The following GRIN2A variants were observed in gnomAD, a reference collection of about 807,000 sequenced individuals.
The protein encoded by GRIN2A is glutamate receptor ionotropic, NMDA 2A.
Under a neutral mutation model 113.4 loss-of-function variants are expected in GRIN2A, and 22 were observed. The observed-to-expected ratio is 0.19, with a 90% confidence interval of 0.14 to 0.28. The LOEUF (loss-of-function observed/expected upper bound fraction) is 0.28. Ranked by LOEUF, GRIN2A falls within the 10% of genes least tolerant of loss-of-function variation. The probability of loss-of-function intolerance (pLI) is 1.00; values close to 1 mark genes in which losing one functional copy is unlikely to be tolerated. For missense variants in GRIN2A, 1,502 were observed against 1,887.0 expected (o/e 0.80, Z 3.78); for synonymous variants, 827 against 738.4 (o/e 1.12, Z -1.94).
chr16:9,935,512 T>TCACACACACACACA (rs71157793), intron 3 of GRIN2A, among the ~76,000 whole-genome samples: 102 of 132,900 alleles, frequency 7.7e-4, no homozygotes, highest in Middle Eastern at 3.8e-3. Flanking sequence ...GTCTACTTCA[T>TCACACACACACACA]CACACACACA....
At chr16:10,036,640 G>T (rs939806595) in intron 2 of GRIN2A, among the ~76,000 whole-genome samples, 1 of 150,912 alleles carries the variant, frequency 6.6e-6, no homozygotes, top group Non-Finnish European at 1.5e-5. Context: ...TAGAGATGGC[G>T]TTTCACTGTG....
chr16:10,136,863 A>G (rs1283244815), intron 2 of GRIN2A, among the ~76,000 whole-genome samples: 1 of 152,230 alleles, frequency 6.6e-6, no homozygotes, highest in Non-Finnish European at 1.5e-5. Context: ...CAGTGGTTTG[A>G]GAAATGATCC....
intron 9 of GRIN2A, among the ~76,000 whole-genome samples, chr16:9,828,873 C>T (rs1022481096): frequency 3.3e-5 from 5 of 152,158 alleles, no homozygotes; most frequent in African/African-American, 1.2e-4. Context: ...ACTCTCTGCT[C>T]CTTTTGTGTG....
chr16:9,823,717 A>G (rs1368087714), intron 9 of GRIN2A, among the ~76,000 whole-genome samples: 2 of 152,122 alleles, frequency 1.3e-5, no homozygotes, highest in Non-Finnish European at 2.9e-5. Context: ...AGATAAGAAA[A>G]CTGAGGCTCA....
chr16:10,022,542 A>C (rs909546452), intron 2 of GRIN2A, among the ~76,000 whole-genome samples: 1 of 152,174 alleles, frequency 6.6e-6, no homozygotes. Flanking sequence ...CATAAACAAA[A>C]ATAAAACATA....
At chr16:10,061,420 C>T (rs1462452527) in intron 2 of GRIN2A, among the ~76,000 whole-genome samples, 2 of 152,176 alleles carry the variant, frequency 1.3e-5, no homozygotes, top group Admixed American at 6.6e-5. Flanking sequence ...CCAATATATG[C>T]ACCTGCCCGA....
chr16:9,880,407 C>G (rs746850628), intron 4 of GRIN2A, among the ~76,000 whole-genome samples: 1 of 152,136 alleles, frequency 6.6e-6, no homozygotes, highest in Non-Finnish European at 1.5e-5. Flanking sequence ...GCAAAACCCA[C>G]GATTACTTTT....
intron 12 of GRIN2A, among the ~76,000 whole-genome samples, 169 bp from the exon 13 acceptor site, chr16:9,765,117 A>G (rs929451712): frequency 6.6e-5 from 10 of 152,246 alleles, no homozygotes. Context: ...GGTATGAGAC[A>G]AGTTGCAAAG....
chr16:10,162,213 C>T (rs750870434), intron 2 of GRIN2A, among the ~76,000 whole-genome samples: 1 of 152,072 alleles, frequency 6.6e-6, no homozygotes, highest in African/African-American at 2.4e-5. Context: ...AAAGCAGGAG[C>T]CTAGTGTCCA....
At chr16:10,085,936 G>A (rs1039547221) in intron 2 of GRIN2A, among the ~76,000 whole-genome samples, 3 of 152,114 alleles carry the variant, frequency 2.0e-5, no homozygotes, top group African/African-American at 7.2e-5. Flanking sequence ...ACACTAGAAT[G>A]AATTAGTTAA....
intron 2 of GRIN2A, among the ~76,000 whole-genome samples, chr16:10,124,667 T>C (rs2048895577): frequency 6.6e-6 from 1 of 152,152 alleles, no homozygotes; most frequent in South Asian, 2.1e-4. Flanking sequence ...ACTAGAGAGC[T>C]ATCCATTCAT....
intron 2 of GRIN2A, among the ~76,000 whole-genome samples, chr16:10,047,795 A>G (rs1450793801): frequency 1.3e-5 from 2 of 152,222 alleles, no homozygotes; most frequent in Non-Finnish European, 2.9e-5. Context: ...CAGGAGTATA[A>G]ATACCTCAGC....
intron 2 of GRIN2A, among the ~76,000 whole-genome samples, chr16:10,043,936 T>A (rs7199281): frequency 0.32 from 47,353 of 148,902 alleles, 8,060 homozygotes; most frequent in East Asian, 0.53. Flanking sequence ...TGTGTGTATA[T>A]ATACACACAT....
At position 9,765,034 on chromosome 16, in the gene GRIN2A, G is replaced by C. The variant is rs1900830771; in HGVS notation, c.2596-86C>G. On this transcript the variant is annotated intron_variant, in intron 12 of 12. Coordinates refer to ENST00000330684, the MANE Select transcript of GRIN2A (RefSeq NM_001134407.3). The stretch of plus-strand genomic sequence containing the variant: ...GCACTTGAACTTTACCTGCAAAGGT[G>C]AGATTTGCACTTCTTGCAGGAGCCC... 9.7e-6 allele frequency: 15 copies of C among 1,546,702 alleles called. No homozygotes were observed. In the South Asian group the frequency reaches 1.5e-4, roughly 15 times the overall value.
At chr16:10,143,923 G>A (rs1030928938) in intron 2 of GRIN2A, among the ~76,000 whole-genome samples, 12 of 152,076 alleles carry the variant, frequency 7.9e-5, no homozygotes, top group Non-Finnish European at 1.2e-4. Context: ...CCACTATCAC[G>A]CCACTGTATT....
intron 2 of GRIN2A, among the ~76,000 whole-genome samples, chr16:10,098,175 C>G (rs554917325): frequency 2.0e-5 from 3 of 152,048 alleles, no homozygotes; most frequent in African/African-American, 7.2e-5. Flanking sequence ...CAAAAGAAGA[C>G]GTACAAATGG....
At chr16:9,959,501 G>T (rs552582572) in intron 2 of GRIN2A, among the ~76,000 whole-genome samples, 3 of 152,206 alleles carry the variant, frequency 2.0e-5, no homozygotes, top group Non-Finnish European at 4.4e-5. Context: ...AGCCTGGTTA[G>T]TATTTAAATA....
intron 2 of GRIN2A, among the ~76,000 whole-genome samples, chr16:10,115,569 C>G (rs564470969): frequency 5.3e-5 from 8 of 152,350 alleles, no homozygotes; most frequent in African/African-American, 1.9e-4. Context: ...GACACCCACT[C>G]TACTTATCAG....
intron 2 of GRIN2A, among the ~76,000 whole-genome samples, chr16:10,167,006 T>C (rs926795179): frequency 2.6e-5 from 4 of 152,224 alleles, no homozygotes; most frequent in Non-Finnish European, 4.4e-5. Context: ...GTCTATGTTA[T>C]TGGTAAGGCT....
Sources: gnomAD v4.1 joint callset for allele counts (sites outside exome capture counted in the v4.1 genomes callset) on GRCh38, gnomAD v4.1.1 for gene constraint, MANE v1.5 for transcripts, NCBI Gene and HGNC (gene_info 2026-07-23, HGNC 2026-07-21) for gene names.